The following EIF3H variants were observed in gnomAD, a reference collection of about 807,000 sequenced individuals.
EIF3H encodes eIF-3-gamma.
In EIF3H, 26 loss-of-function variants were observed where a neutral mutation model predicts 44.2. The ratio of observed to expected loss-of-function variants is 0.59; its 90% confidence interval spans 0.43 to 0.82. The LOEUF (loss-of-function observed/expected upper bound fraction) is 0.82. EIF3H is among the 40% of genes least tolerant of loss of function. The pLI, the probability that EIF3H is intolerant of heterozygous loss-of-function variation, is 0.00. For synonymous variants in EIF3H, 166 were observed against 151.9 expected (o/e 1.09, Z -0.68); for missense variants, 359 against 432.8 (o/e 0.83, Z 1.51).
At chr8:116,648,614 G>A (rs1286131117) in intron 6 of EIF3H, among the ~76,000 whole-genome samples, 192 bp downstream of exon 6, 1 of 152,040 alleles carries the variant, frequency 6.6e-6, no homozygotes, top group African/African-American at 2.4e-5. Context: ...CTTTAACACA[G>A]GTATTTTTAA....
intron 2 of EIF3H, among the ~76,000 whole-genome samples, chr8:116,660,038 C>T (rs540142919): frequency 6.6e-6 from 1 of 152,160 alleles, no homozygotes; most frequent in Non-Finnish European, 1.5e-5. Flanking sequence ...AGGTGTGAAC[C>T]ACCGCACCCG....
chr8:116,758,186 C>G (rs1815480240), upstream of EIF3H, among the ~76,000 whole-genome samples: 1 of 152,040 alleles, frequency 6.6e-6, no homozygotes, highest in South Asian at 2.1e-4. Flanking sequence ...CATGTAACCA[C>G]TAATCAAAAG....
In EIF3H at chr8:116,728,711, T is replaced by C. The variant is rs187735216; in HGVS notation, c.133-2539A>G. Among the ~76,000 whole-genome samples the C allele has an allele frequency of 1.2e-3, 176 of 152,274 alleles. 1 individual carries two copies. Among genetic ancestry groups the C allele is most frequent in the Non-Finnish European group, 2.1e-3 (146 of 68,006 alleles). ...CCTGTATGAAAGACCTCTCCACTTCTTGAAAGGCACAAAAATGGACTTGAT... is the reference window on the plus strand; with the variant it reads ...CCTGTATGAAAGACCTCTCCACTTCCTGAAAGGCACAAAAATGGACTTGAT... On this transcript the variant is annotated intron_variant, in intron 1 of 7. Transcript: ENST00000521861.
chr8:116,685,153 T>C (rs143626666), intron 2 of EIF3H, among the ~76,000 whole-genome samples: 1 of 152,328 alleles, frequency 6.6e-6, no homozygotes. Flanking sequence ...CTTATGTGTG[T>C]AAAACAAACT....
intron 2 of EIF3H, among the ~76,000 whole-genome samples, chr8:116,720,723 A>G (rs1250686523): frequency 6.6e-6 from 1 of 152,166 alleles, no homozygotes; most frequent in Non-Finnish European, 1.5e-5. Context: ...ATCCAGGCTG[A>G]GGTGATCTCA....
At chr8:116,721,997 T>C (rs1437363295) in intron 2 of EIF3H, among the ~76,000 whole-genome samples, 1 of 152,144 alleles carries the variant, frequency 6.6e-6, no homozygotes, top group African/African-American at 2.4e-5. Flanking sequence ...TGGGAAGGCA[T>C]GATTGGTTTT....
intron 1 of EIF3H, among the ~76,000 whole-genome samples, chr8:116,731,251 T>A (rs147576600): frequency 1.5e-4 from 23 of 152,276 alleles, no homozygotes; most frequent in Middle Eastern, 6.8e-3. Context: ...GGGTCCTCAT[T>A]CTGGATACAC....
At chr8:116,722,027 T>A (rs1404040116) in intron 2 of EIF3H, among the ~76,000 whole-genome samples, 2 of 152,118 alleles carry the variant, frequency 1.3e-5, no homozygotes, top group Non-Finnish European at 2.9e-5. Context: ...GGACATGAGA[T>A]TTGGGAAGAG....
chr8:116,725,994 C>T (rs754446481), intron 2 of EIF3H, 22 bp downstream of exon 2: 12 of 1,608,300 alleles, frequency 7.5e-6, no homozygotes, highest in African/African-American at 4.0e-5. Flanking sequence ...TGCAAAGACA[C>T]ACTTGTGATG....
chr8:116,729,739 A>T (rs1170368946), intron 1 of EIF3H, among the ~76,000 whole-genome samples: 1 of 152,212 alleles, frequency 6.6e-6, no homozygotes, highest in African/African-American at 2.4e-5. Context: ...GATGAGAACC[A>T]GTAAAATTAA....
chr8:116,718,790 G>A (rs1395659568), intron 2 of EIF3H, among the ~76,000 whole-genome samples: 1 of 151,878 alleles, frequency 6.6e-6, no homozygotes, highest in Non-Finnish European at 1.5e-5. Context: ...CACTGCTCAG[G>A]TGATGGGTGA....
chr8:116,666,120 T>A (rs1193356278), intron 2 of EIF3H, among the ~76,000 whole-genome samples: 1 of 152,208 alleles, frequency 6.6e-6, no homozygotes. Flanking sequence ...TAATCTGTTG[T>A]ATTGTAAAAG....
intron 2 of EIF3H, chr8:116,697,199 T>C (rs1467055671): frequency 2.2e-6 from 1 of 456,204 alleles, no homozygotes; most frequent in South Asian, 1.5e-5. Flanking sequence ...TGTCCCTTTT[T>C]CCAGGGGTTG....
At chr8:116,677,563 C>T (rs1477933805) in intron 2 of EIF3H, among the ~76,000 whole-genome samples, 22 of 152,260 alleles carry the variant, frequency 1.4e-4, no homozygotes, top group Admixed American at 1.2e-3. Flanking sequence ...AGAGCAACAA[C>T]GTTGAAGAAA....
chr8:116,653,330 A>AG, intron 5 of EIF3H, among the ~76,000 whole-genome samples: 1 of 113,428 alleles, frequency 8.8e-6, no homozygotes, highest in East Asian at 2.7e-4. Flanking sequence ...AATGCTCTTC[A>AG]GAAAAAAAAC....
At chr8:116,673,969 C>T (rs1563638952) in intron 2 of EIF3H, among the ~76,000 whole-genome samples, 1 of 143,012 alleles carries the variant, frequency 7.0e-6, no homozygotes, top group African/African-American at 2.6e-5. Context: ...ACCCGGGAGG[C>T]TGAGGCAGGA....
intron 2 of EIF3H, among the ~76,000 whole-genome samples, chr8:116,701,995 A>AT (rs199641830): frequency 0.028 from 4,299 of 151,326 alleles, 194 homozygotes; most frequent in African/African-American, 0.099. Context: ...GTAAATCTAA[A>AT]TTTTTTTTTT....
At chr8:116,658,660 T>C (rs1813532345) in intron 3 of EIF3H, 153 bp downstream of exon 3, 1 of 665,240 alleles carries the variant, frequency 1.5e-6, no homozygotes, top group Non-Finnish European at 2.4e-6. Flanking sequence ...GGAAACCCTG[T>C]CTAGACTGAG....
intron 1 of EIF3H, among the ~76,000 whole-genome samples, chr8:116,731,645 C>G (rs1194460867): frequency 6.6e-6 from 1 of 152,146 alleles, no homozygotes; most frequent in Non-Finnish European, 1.5e-5. Flanking sequence ...CTAGTTGGAA[C>G]AATCTCTACA....
Sources: allele counts gnomAD v4.1 joint callset (sites outside exome capture counted in the v4.1 genomes callset), GRCh38; gene constraint gnomAD v4.1.1; transcripts MANE v1.5; gene names NCBI Gene and HGNC (gene_info 2026-07-23, HGNC 2026-07-21).